The following R3HDM1 variants were observed in gnomAD, a reference collection of about 807,000 sequenced individuals.
R3HDM1 encodes R3H domain-containing protein 1.
Under a neutral mutation model 141.1 loss-of-function variants are expected in R3HDM1, and 46 were observed. The observed-to-expected ratio is 0.33, with a 90% CI of 0.26 to 0.42. R3HDM1 has a LOEUF of 0.42. Among genes scored for constraint, R3HDM1 ranks in the 10% least tolerant of loss-of-function variants. R3HDM1 has a pLI of 1.00. For missense variants in R3HDM1, 1,184 were observed against 1,368.3 expected, an observed-to-expected ratio of 0.87 and a Z score of 2.12; for synonymous variants, 435 against 472.9, an observed-to-expected ratio of 0.92 and a Z score of 1.04.
At chr2:135,703,146 A>G (rs184059527) in intron 21 of R3HDM1, among the ~76,000 whole-genome samples, 290 of 152,332 alleles carry the variant, frequency 1.9e-3, no homozygotes, top group African/African-American at 6.5e-3. Context: ...TCCATTAAAT[A>G]TATAATGTAG....
intron 1 of R3HDM1, among the ~76,000 whole-genome samples, chr2:135,578,540 C>A (rs1365018297): frequency 6.6e-6 from 1 of 152,080 alleles, no homozygotes; most frequent in Non-Finnish European, 1.5e-5. Context: ...TAGATGTTGG[C>A]AAGTGTGGAG....
At chr2:135,626,675 G>A (rs768417521) in intron 7 of R3HDM1, among the ~76,000 whole-genome samples, 9 of 152,256 alleles carry the variant, frequency 5.9e-5, no homozygotes, top group Non-Finnish European at 1.0e-4. Flanking sequence ...TATCCACATA[G>A]ACATTTTTTA....
chr2:135,652,513 G>A (rs896018704), intron 18 of R3HDM1, among the ~76,000 whole-genome samples: 1 of 152,186 alleles, frequency 6.6e-6, no homozygotes, highest in Non-Finnish European at 1.5e-5. Flanking sequence ...ACTTGGTTAT[G>A]ATGTAGTATC....
intron 3 of R3HDM1, chr2:135,606,654 C>A (rs1574290331): frequency 6.7e-6 from 1 of 149,884 alleles, no homozygotes; most frequent in Admixed American, 6.7e-5. Flanking sequence ...TCCCAGCTAT[C>A]CTGAGGCAGG....
chr2:135,571,863 C>G (rs140316382), intron 1 of R3HDM1, among the ~76,000 whole-genome samples: 2 of 151,968 alleles, frequency 1.3e-5, no homozygotes, highest in African/African-American at 2.4e-5. Context: ...TGGACTCAAG[C>G]GATCTACCCG....
chr2:135,602,370 C>G (rs79314954), intron 1 of R3HDM1, 130 bp from the exon 2 acceptor site: 7,442 of 585,800 alleles, frequency 0.013, 57 homozygotes, highest in Middle Eastern at 0.018. Flanking sequence ...ACTCAGTGTT[C>G]TGACTTTCGT....
chr2:135,590,791 C>T, intron 1 of R3HDM1: 2 of 915,706 alleles, frequency 2.2e-6, no homozygotes, highest in Non-Finnish European at 2.6e-6. Flanking sequence ...AGTATGAAGG[C>T]AGATGATGGC....
intron 5 of R3HDM1, chr2:135,619,711 T>C: frequency 1.6e-5 from 15 of 962,394 alleles, no homozygotes; most frequent in Non-Finnish European, 1.9e-5. Context: ...TCCTTGATGG[T>C]AGACACAGTT....
At chr2:135,567,932 G>A (rs1279394294) in intron 1 of R3HDM1, among the ~76,000 whole-genome samples, 9 of 144,038 alleles carry the variant, frequency 6.2e-5, no homozygotes, top group African/African-American at 2.4e-4. Context: ...TTTTTTGCAG[G>A]GGAGAGATAG....
intron 1 of R3HDM1, among the ~76,000 whole-genome samples, chr2:135,565,329 ATT>A (rs1702530140): frequency 1.7e-5 from 2 of 117,950 alleles, no homozygotes; most frequent in African/African-American, 1.0e-4. Flanking sequence ...AAAAATTATT[ATT>A]ATTATTATTA....
chr2:135,620,615 T>C, intron 5 of R3HDM1: 2 of 980,786 alleles, frequency 2.0e-6, no homozygotes, highest in Non-Finnish European at 2.4e-6. Flanking sequence ...ATTGATGGTT[T>C]TCTTGACTAT....
intron 21 of R3HDM1, among the ~76,000 whole-genome samples, chr2:135,681,007 G>T (rs1465348553): frequency 2.0e-5 from 3 of 152,140 alleles, no homozygotes; most frequent in Admixed American, 1.3e-4. Flanking sequence ...AATATTTCAG[G>T]CTTTGGGAAG....
intron 21 of R3HDM1, among the ~76,000 whole-genome samples, chr2:135,687,344 T>C (rs1247402775): frequency 6.6e-6 from 1 of 152,240 alleles, no homozygotes; most frequent in Non-Finnish European, 1.5e-5. Flanking sequence ...GGAAATCTGC[T>C]ATACTACATT....
At chr2:135,720,751 T>C (rs901803243) in intron 24 of R3HDM1, among the ~76,000 whole-genome samples, 3 of 152,210 alleles carry the variant, frequency 2.0e-5, no homozygotes, top group African/African-American at 7.2e-5. Context: ...CAACTACCCA[T>C]TGGTTAAAAC....
intron 1 of R3HDM1, among the ~76,000 whole-genome samples, chr2:135,537,185 A>C: frequency 6.6e-6 from 1 of 151,650 alleles, no homozygotes; most frequent in East Asian, 1.9e-4. Flanking sequence ...AAAAAAAAAA[A>C]AAAAAAAAGT....
At chr2:135,628,436 T>C (rs1221061850) in intron 7 of R3HDM1, among the ~76,000 whole-genome samples, 2 of 152,226 alleles carry the variant, frequency 1.3e-5, no homozygotes, top group African/African-American at 2.4e-5. Context: ...AGCCTAAATT[T>C]CTATCAATTG....
chr2:135,606,548 G>A (rs2060071603), intron 3 of R3HDM1: 1 of 151,902 alleles, frequency 6.6e-6, no homozygotes, highest in Non-Finnish European at 1.5e-5. Context: ...TGGATCACAA[G>A]GTCAGGAGAT....
chr2:135,715,371 CA>C (rs992964079), intron 23 of R3HDM1, among the ~76,000 whole-genome samples, 178 bp from the exon 24 acceptor site: 1 of 146,398 alleles, frequency 6.8e-6, no homozygotes, highest in African/African-American at 2.5e-5. Flanking sequence ...GACTCCGTCT[CA>C]AAAAAAAAGA....
chr2:135,634,776 C>T (rs2105227322), intron 9 of R3HDM1, among the ~76,000 whole-genome samples: 1 of 152,278 alleles, frequency 6.6e-6, no homozygotes, highest in Non-Finnish European at 1.5e-5. Context: ...GATATTTGAA[C>T]TATAAAAACT....
Sources: allele counts gnomAD v4.1 joint callset (sites outside exome capture counted in the v4.1 genomes callset), GRCh38; gene constraint gnomAD v4.1.1; transcripts MANE v1.5; gene names NCBI Gene and HGNC (gene_info 2026-07-23, HGNC 2026-07-21).